Variants in IDE observed in about 807,000 individuals in gnomAD.
IDE encodes insulin degrading enzyme.
A neutral mutation model predicts 133.2 loss-of-function variants in IDE; 58 were observed. The observed-to-expected ratio is 0.44, with a 90% CI of 0.35 to 0.54. The LOEUF (loss-of-function observed/expected upper bound fraction) is 0.54, where lower values mean the gene tolerates loss of function less well. Ranked by LOEUF, IDE falls within the 20% of genes least tolerant of loss-of-function variation. The probability of loss-of-function intolerance (pLI) is 0.00; values close to 1 mark genes in which losing one functional copy is unlikely to be tolerated. For synonymous variants in IDE, 396 were observed against 421.3 expected (o/e 0.94, Z 0.73); for missense variants, 981 against 1,234.0 (o/e 0.79, Z 3.07).
At chr10:92,567,091 C>A (rs1487548687) in intron 1 of IDE, among the ~76,000 whole-genome samples, 1 of 152,148 alleles carries the variant, frequency 6.6e-6, no homozygotes, top group East Asian at 1.9e-4. Context: ...TATTTAAGGA[C>A]CGCTCAGTCC....
chr10:92,467,101 C>T (rs1309999132), intron 19 of IDE, among the ~76,000 whole-genome samples: 1 of 151,838 alleles, frequency 6.6e-6, no homozygotes, highest in Non-Finnish European at 1.5e-5. Context: ...TTGAGACAGT[C>T]TGTCACTCTG....
Position 92,474,829 on chromosome 10 carries a change from AG to A in IDE, c.2116+11del. ...ATGAAGAAAGCATTAAGCTTTAAGTAGAAAGTCTCACCATCCAGAGCTTCTT... is the reference window on the plus strand; with the variant it reads ...ATGAAGAAAGCATTAAGCTTTAAGTAAAAGTCTCACCATCCAGAGCTTCTT... On this transcript the variant is annotated intron_variant, in intron 17 of 24. Transcript: ENST00000265986. The A allele has an allele frequency of 6.2e-7, 1 of 1,601,048 alleles. No individual in the cohort carries two copies. Among genetic ancestry groups the A allele is most frequent in the Non-Finnish European group, 8.5e-7 (1 of 1,176,548 alleles).
chr10:92,553,224 G>C (rs919977973), intron 1 of IDE, among the ~76,000 whole-genome samples: 1 of 152,082 alleles, frequency 6.6e-6, no homozygotes. Context: ...AGGAGTTCTA[G>C]ACCAGGTTGG....
At chr10:92,515,792 T>A (rs1848887938) in intron 4 of IDE, among the ~76,000 whole-genome samples, 1 of 146,942 alleles carries the variant, frequency 6.8e-6, no homozygotes, top group East Asian at 2.1e-4. Flanking sequence ...ACTCCCGACC[T>A]CAGGTGATCT....
intron 23 of IDE, 151 bp from the exon 24 acceptor site, chr10:92,455,794 C>G: frequency 3.5e-6 from 2 of 575,210 alleles, no homozygotes; most frequent in South Asian, 2.5e-5. Flanking sequence ...TGCCTGCTAC[C>G]CAAGGCCTTA....
At chr10:92,567,080 G>A (rs1268130290) in intron 1 of IDE, among the ~76,000 whole-genome samples, 1 of 152,122 alleles carries the variant, frequency 6.6e-6, no homozygotes, top group Non-Finnish European at 1.5e-5. Context: ...ATTCCCTTGG[G>A]TATTTAAGGA....
chr10:92,529,866 G>A (rs759967048), intron 4 of IDE, among the ~76,000 whole-genome samples: 8 of 152,158 alleles, frequency 5.3e-5, no homozygotes, highest in Admixed American at 2.0e-4. Context: ...TCCCAAAGAG[G>A]AGCTCCAACA....
At chr10:92,483,161 T>C (rs765991958) in intron 14 of IDE, 94 bp downstream of exon 14, 15 of 643,012 alleles carry the variant, frequency 2.3e-5, no homozygotes, top group Middle Eastern at 3.4e-4. Flanking sequence ...ATTCCTTTTA[T>C]TTCTAGACAT....
intron 22 of IDE, 147 bp downstream of exon 22, chr10:92,461,044 T>C: frequency 2.0e-6 from 1 of 506,702 alleles, no homozygotes; most frequent in Non-Finnish European, 3.7e-6. Context: ...TTTCACCATG[T>C]TGGCCAGGCT....
chr10:92,524,313 A>ATATATTATATATATTATATTG (rs1849396699), intron 4 of IDE, among the ~76,000 whole-genome samples: 1 of 93,148 alleles, frequency 1.1e-5, no homozygotes, highest in African/African-American at 4.8e-5. Flanking sequence ...TCAAAAAAAT[A>ATATATTATATATATTATATTG]TATATAATAT....
chr10:92,539,699 G>T (rs552596150), intron 1 of IDE, among the ~76,000 whole-genome samples: 5 of 152,162 alleles, frequency 3.3e-5, no homozygotes, highest in Non-Finnish European at 1.5e-5. Flanking sequence ...GGGAGGCAAA[G>T]GTTGCAGTGA....
rs1417988620 is a variant in IDE, at chr10:92,539,096, G to T, written c.99-1546C>A. Among the ~76,000 whole-genome samples, 3 of 151,966 alleles carry T rather than the reference G, an allele frequency of 2.0e-5. No homozygotes were observed. In the East Asian group the frequency reaches 5.8e-4, roughly 29 times the overall value. On this transcript the variant is annotated intron_variant, in intron 1 of 24. Transcript: ENST00000265986. Reference sequence around the variant, plus strand: ...CTTTCACCATTATATTTTCCTCTCTGAAATCACCTATAACTATTCTTCCAA... The same window carrying T: ...CTTTCACCATTATATTTTCCTCTCTTAAATCACCTATAACTATTCTTCCAA...
In IDE at chr10:92,468,902, T is replaced by C. The variant is rs1326726021; in HGVS notation, c.2297A>G (p.Tyr766Cys). ...ACTGTCAGGGAGCTGAACTTCTCTA[T>C]ACCGAACCAGCTGACTTGGAAGGAG... The part of the protein sequence containing the change: ...KPLLPSQLVR[Y>C]REVQLPDRGW... The change falls in exon 19 of 25, where the codon TAT becomes TGT. Residue 766 changes from tyrosine to cysteine, a missense_variant. Tyr to Cys is a radical substitution (Grantham distance 194). Around this residue, in one of 2 missense-constraint regions of IDE, gnomAD observed 660 missense variants for 894.7 expected, o/e 0.74. Transcript: ENST00000265986. The C allele has an allele frequency of 1.9e-6, 3 of 1,607,764 alleles. No homozygotes were observed. Among genetic ancestry groups the C allele is most frequent in the South Asian group, 1.1e-5 (1 of 90,956 alleles).
At chr10:92,530,304 G>GC (rs1023395335) in intron 4 of IDE, among the ~76,000 whole-genome samples, 2 of 147,972 alleles carry the variant, frequency 1.4e-5, no homozygotes, top group Admixed American at 6.8e-5. Context: ...AAAAGTTGTT[G>GC]TTTTTTTTTT....
At chr10:92,524,404 A>ATT in intron 4 of IDE, among the ~76,000 whole-genome samples, 1 of 91,726 alleles carries the variant, frequency 1.1e-5, no homozygotes, top group South Asian at 2.6e-4. Context: ...TATAATATAT[A>ATT]ATATATATTA....
chr10:92,568,240 G>C (rs959467309), intron 1 of IDE, among the ~76,000 whole-genome samples: 5 of 145,836 alleles, frequency 3.4e-5, no homozygotes, highest in Non-Finnish European at 7.7e-5. Flanking sequence ...AATACATTTG[G>C]GAGTTGTCAG....
chr10:92,475,417 A>T (rs1286934890), intron 16 of IDE, among the ~76,000 whole-genome samples: 1 of 152,230 alleles, frequency 6.6e-6, no homozygotes, highest in East Asian at 1.9e-4. Context: ...TAGCTTCAGA[A>T]GCAGCTGTTC....
intron 17 of IDE, 61 bp from the exon 18 acceptor site, chr10:92,470,406 A>G (rs1420429985): frequency 1.5e-5 from 17 of 1,100,656 alleles, no homozygotes; most frequent in Non-Finnish European, 4.0e-6. Context: ...GTTTGAGATA[A>G]TTTGAGACTT....
At chr10:92,510,815 T>TATATGATATATAGCACATACATATCACAC (rs1848574967) in intron 5 of IDE, among the ~76,000 whole-genome samples, 1 of 148,244 alleles carries the variant, frequency 6.7e-6, no homozygotes, top group African/African-American at 2.5e-5. Context: ...ACATATCACA[T>TATATGATATATAGCACATACATATCACAC]ATATGATATA....
Sources: allele counts gnomAD v4.1 joint callset (sites outside exome capture counted in the v4.1 genomes callset), GRCh38; gene constraint gnomAD v4.1.1; regional missense constraint gnomAD v4.1.1; transcripts MANE v1.5; gene names NCBI Gene and HGNC (gene_info 2026-07-23, HGNC 2026-07-21).